The following WWP2 variants were observed in gnomAD, a reference collection of about 807,000 sequenced individuals.
WWP2 encodes WW domain containing E3 ubiquitin protein ligase 2.
WWP2 carries 57 observed loss-of-function variants against 121.0 expected under a neutral mutation model. That is an observed-to-expected ratio of 0.47 (90% CI 0.38 to 0.59). The LOEUF is 0.59. Among genes scored for constraint, WWP2 ranks in the 20% least tolerant of loss-of-function variants. The pLI, the probability that WWP2 is intolerant of heterozygous loss-of-function variation, is 0.00. For missense variants in WWP2, 962 were observed against 1,158.9 expected (o/e 0.83, Z 2.47); for synonymous variants, 449 against 441.3 (o/e 1.02, Z -0.22).
At chr16:69,872,019 C>T (rs1170383685) in intron 7 of WWP2, 88 bp downstream of exon 7, 2 of 1,508,158 alleles carry the variant, frequency 1.3e-6, no homozygotes, top group African/African-American at 2.8e-5. Context: ...CCCACTGTGT[C>T]AGAATAGAGG....
At chr16:69,903,789 A>AAAT (rs2058245287) in intron 8 of WWP2, among the ~76,000 whole-genome samples, 1 of 152,018 alleles carries the variant, frequency 6.6e-6, no homozygotes, top group African/African-American at 2.4e-5. Flanking sequence ...AAAGAAAGAA[A>AAAT]GAAAAATGTG....
intron 7 of WWP2, among the ~76,000 whole-genome samples, chr16:69,883,581 T>A (rs1381163827): frequency 6.6e-6 from 1 of 152,174 alleles, no homozygotes; most frequent in Non-Finnish European, 1.5e-5. Flanking sequence ...TTTTCAACTT[T>A]AAGTTCCGGG....
chr16:69,886,186 G>A (rs1340142605), intron 7 of WWP2, among the ~76,000 whole-genome samples: 1 of 152,158 alleles, frequency 6.6e-6, no homozygotes, highest in East Asian at 1.9e-4. Flanking sequence ...CAGCTCCAGT[G>A]ATTCTCCCTC....
In WWP2 at chr16:69,876,747, C is replaced by T. The variant is rs368622979; in HGVS notation, c.703+4816C>T. 5.3e-5 allele frequency among the ~76,000 whole-genome samples: 8 copies of T among 152,244 alleles called. No individual in the cohort carries two copies. In the East Asian group the frequency reaches 5.8e-4, roughly 11 times the overall value. The stretch of plus-strand genomic sequence containing the variant: ...GGCTACAGCATGGATGTTGTGTTAG[C>T]GGGCATGAAAACAACATTAATCTCC... On this transcript the variant is annotated intron_variant, in intron 7 of 23. Coordinates refer to ENST00000359154, the MANE Select transcript of WWP2 (RefSeq NM_001270454.2).
intron 5 of WWP2, among the ~76,000 whole-genome samples, chr16:69,841,374 A>G (rs538289851): frequency 1.3e-5 from 2 of 152,190 alleles, no homozygotes; most frequent in African/African-American, 4.8e-5. Context: ...GACTTGGAGG[A>G]TGAGGAGTTT....
chr16:69,814,545 T>C (rs2056453695), intron 4 of WWP2, among the ~76,000 whole-genome samples: 2 of 152,230 alleles, frequency 1.3e-5, no homozygotes, highest in African/African-American at 4.8e-5. Context: ...AAGTTGATTT[T>C]GAAAAGCTCC....
At chr16:69,929,607 A>G in intron 12 of WWP2, 78 bp downstream of exon 12, 2 of 1,313,578 alleles carry the variant, frequency 1.5e-6, no homozygotes, top group Non-Finnish European at 1.1e-6. Flanking sequence ...GTGGCTTTGG[A>G]CTGCATCGTC....
intron 1 of WWP2, among the ~76,000 whole-genome samples, chr16:69,765,209 GAAAA>G (rs1352109326): frequency 6.8e-6 from 1 of 146,728 alleles, no homozygotes; most frequent in Non-Finnish European, 1.5e-5. Flanking sequence ...TCAAAAAAAA[GAAAA>G]AGAAAAAGAA....
At chr16:69,888,532 G>A (rs2057969078) in intron 8 of WWP2, among the ~76,000 whole-genome samples, 1 of 152,110 alleles carries the variant, frequency 6.6e-6, no homozygotes. Flanking sequence ...AGCTCATTTT[G>A]CTTTCCTGAA....
intron 2 of WWP2, among the ~76,000 whole-genome samples, chr16:69,797,195 T>C (rs2056065472): frequency 6.6e-6 from 1 of 152,242 alleles, no homozygotes; most frequent in South Asian, 2.1e-4. Context: ...AGTCTTTGGC[T>C]TGCTGGTCCC....
chr16:69,808,982 A>G (rs2056338336), intron 4 of WWP2, among the ~76,000 whole-genome samples: 1 of 152,174 alleles, frequency 6.6e-6, no homozygotes, highest in Non-Finnish European at 1.5e-5. Context: ...GCCATCCCAT[A>G]AATTTTACTG....
intron 4 of WWP2, among the ~76,000 whole-genome samples, chr16:69,839,910 A>G (rs759955815): frequency 6.6e-6 from 1 of 152,246 alleles, no homozygotes; most frequent in African/African-American, 2.4e-5. Context: ...AATGTTTAGA[A>G]AGAGTGCAGC....
chr16:69,860,151 A>T (rs958718108), intron 6 of WWP2, among the ~76,000 whole-genome samples: 2 of 150,772 alleles, frequency 1.3e-5, no homozygotes, highest in Middle Eastern at 3.2e-3. Context: ...CCATCGCTAT[A>T]AAAAAAAATC....
At chr16:69,763,294 A>G (rs2038658165) in intron 1 of WWP2, among the ~76,000 whole-genome samples, 1 of 152,158 alleles carries the variant, frequency 6.6e-6, no homozygotes. Context: ...AACTGTAACT[A>G]GGTAGGGTGC....
Position 69,939,996 on chromosome 16 carries a change from C to A in WWP2, c.*56C>A. ...CACATGTAGTCCTGAGTCCTCCCTG[C>A]CTGAGAGGCCACTGGCCCCGCAGCC... is the stretch of plus-strand genomic sequence containing the variant. On this transcript the variant is annotated 3_prime_UTR_variant, in exon 24 of 24. Coordinates refer to ENST00000359154, the MANE Select transcript of WWP2 (RefSeq NM_001270454.2). 6.9e-7 allele frequency: 1 copy of A among 1,451,606 alleles called. No homozygotes were observed. 89.9% of individuals were successfully genotyped at this position (1,451,606 alleles called of 1,614,324 possible). A position where few individuals can be genotyped will look rare whatever the true frequency, so the allele number is the denominator to read the frequency against.
chr16:69,936,333 T>G lies in WWP2; in HGVS notation c.1998T>G (p.Cys666Trp), dbSNP rs2058797658. ...CCAGAGAGAACAACCTGGAAGAATG[T>G]GGCCTGGAGCTGTACTTCATCCAGG... is the stretch of plus-strand genomic sequence containing the variant. ...VWIKENNLEECGLELYFIQDM... is the reference protein window; with the variant it reads ...VWIKENNLEEWGLELYFIQDM... The change falls in exon 19 of 24, where the codon TGT (cysteine) becomes TGG (tryptophan). Residue 666 changes from cysteine to tryptophan, a missense_variant. Cys to Trp is a radical substitution (Grantham distance 215). Around this residue, in one of 3 missense-constraint regions of WWP2, gnomAD observed 606 missense variants for 772.6 expected, o/e 0.78. Transcript: ENST00000359154. 1 of 1,613,982 alleles carries G rather than the reference T, an allele frequency of 6.2e-7. No homozygotes were observed. Among genetic ancestry groups the G allele is most frequent in the African/African-American group, 1.3e-5 (1 of 74,894 alleles).
chr16:69,904,437 C>T (rs1394133695), intron 8 of WWP2, among the ~76,000 whole-genome samples: 2 of 151,066 alleles, frequency 1.3e-5, no homozygotes, highest in Admixed American at 1.3e-4. Flanking sequence ...GGTGTGATCA[C>T]GGCTCACTGC....
At chr16:69,931,930 T>G in intron 16 of WWP2, 40 bp downstream of exon 16, 1 of 1,570,184 alleles carries the variant, frequency 6.4e-7, no homozygotes, top group Non-Finnish European at 8.7e-7. Context: ...TGTACCCCGC[T>G]TCCCCAGGCT....
At chr16:69,783,392 C>T (rs930087010) in intron 1 of WWP2, among the ~76,000 whole-genome samples, 5 of 151,910 alleles carry the variant, frequency 3.3e-5, no homozygotes, top group South Asian at 2.1e-4. Context: ...AGTCAGGCAC[C>T]GGGCTTGGTG....
Sources: gnomAD v4.1 joint callset for allele counts (sites outside exome capture counted in the v4.1 genomes callset) on GRCh38, gnomAD v4.1.1 for gene constraint, gnomAD v4.1.1 regional missense constraint, MANE v1.5 for transcripts, NCBI Gene and HGNC (gene_info 2026-07-23, HGNC 2026-07-21) for gene names.